Variants in DRC4 observed in about 807,000 individuals in gnomAD.
DRC4 encodes the protein GAS-11.
the DRC4 span, among the ~76,000 whole-genome samples, chr16:90,024,777 G>C: frequency 2.0e-5 from 3 of 151,938 alleles, no homozygotes; most frequent in South Asian, 6.3e-4. Context: ...CTGCACTCCA[G>C]CCTGGGTGAC....
At chr16:90,026,930 T>TA in the DRC4 span, among the ~76,000 whole-genome samples, 5 of 150,526 alleles carry the variant, frequency 3.3e-5, no homozygotes, top group Non-Finnish European at 1.5e-5. Context: ...GTTTGCTTTT[T>TA]GAGATGGAGT....
At chr16:90,035,588 C>T in the DRC4 span, 2 of 1,613,764 alleles carry the variant, frequency 1.2e-6, no homozygotes, top group Non-Finnish European at 8.5e-7. Flanking sequence ...AGCGGGCTTC[C>T]CTCTGTGTCC....
the DRC4 span, chr16:90,029,387 T>G: frequency 1.1e-5 from 12 of 1,109,542 alleles, no homozygotes; most frequent in South Asian, 9.3e-5. Flanking sequence ...TTCAGTGCTG[T>G]TTTTTTCTGA....
At chr16:90,037,980 C>T in the DRC4 span, 1 of 795,856 alleles carries the variant, frequency 1.3e-6, no homozygotes, top group Non-Finnish European at 2.1e-6. Flanking sequence ...AGGGACGGGG[C>T]TCTCCTTGTG....
chr16:90,020,283 C>T, the DRC4 span: 2 of 402,298 alleles, frequency 5.0e-6, no homozygotes, highest in Middle Eastern at 9.8e-4. Context: ...CCAAGGCTGC[C>T]GTGAGCTATG....
At chr16:90,042,246 C>G in the DRC4 span, 1 of 593,120 alleles carries the variant, frequency 1.7e-6, no homozygotes, top group Admixed American at 2.2e-5. Context: ...TGGACTGTTG[C>G]TGGAGAGGCA....
chr16:90,037,664 GATT>G, the DRC4 span: 14 of 1,221,922 alleles, frequency 1.1e-5, no homozygotes, highest in Non-Finnish European at 1.4e-5. Flanking sequence ...TCTTTCTGGC[GATT>G]ATTTTTGGCC....
the DRC4 span, chr16:90,043,356 G>T: frequency 1.9e-6 from 3 of 1,587,308 alleles, no homozygotes; most frequent in Non-Finnish European, 1.7e-6. Context: ...CTGCCCCCCT[G>T]GGGGGCCACA....
At chr16:90,020,939 C>G in the DRC4 span, 1 of 152,230 alleles carries the variant, frequency 6.6e-6, no homozygotes, top group Admixed American at 6.5e-5. Flanking sequence ...ATAATTACCC[C>G]CACTGTGCTC....
chr16:90,031,626 T>C, the DRC4 span: 18 of 1,009,850 alleles, frequency 1.8e-5, no homozygotes, highest in African/African-American at 2.8e-4. Context: ...AGGTGTTTTT[T>C]ATAAAAGCCT....
chr16:90,034,704 A>G, the DRC4 span, among the ~76,000 whole-genome samples: 5 of 151,508 alleles, frequency 3.3e-5, no homozygotes, highest in African/African-American at 1.2e-4. Flanking sequence ...TAAATATATA[A>G]TAATTGTTCA....
chr16:90,043,231 G>T, the DRC4 span: 2 of 1,613,524 alleles, frequency 1.2e-6, no homozygotes, highest in African/African-American at 2.7e-5. Context: ...ATGAGGCAAA[G>T]CTGCTGGCCT....
At chr16:90,035,660 C>T in the DRC4 span, 23 of 1,613,982 alleles carry the variant, frequency 1.4e-5, no homozygotes, top group Middle Eastern at 3.3e-4. Flanking sequence ...CACCAGGATG[C>T]GGAATGATTT....
the DRC4 span, chr16:90,036,203 T>C: frequency 1.6e-6 from 1 of 620,556 alleles, no homozygotes; most frequent in South Asian, 2.1e-5. Context: ...GTGCTGAGTG[T>C]GAGCATCAGC....
the DRC4 span, chr16:90,040,583 C>CTA: frequency 7.5e-7 from 1 of 1,328,352 alleles, no homozygotes; most frequent in South Asian, 1.3e-5. Flanking sequence ...TTCTGTGCTG[C>CTA]TCCTCGGATA....
chr16:90,041,595 G>GTCA, the DRC4 span, among the ~76,000 whole-genome samples: 1 of 152,166 alleles, frequency 6.6e-6, no homozygotes, highest in South Asian at 2.1e-4. Flanking sequence ...CACGAGTTTG[G>GTCA]GAGTTCAAGA....
At chr16:90,028,437 C>T in the DRC4 span, among the ~76,000 whole-genome samples, 1 of 152,034 alleles carries the variant, frequency 6.6e-6, no homozygotes. Flanking sequence ...ATCCACTCGC[C>T]TCGGCCTCCC....
At chr16:90,042,596 G>A in the DRC4 span, 26 of 1,443,560 alleles carry the variant, frequency 1.8e-5, no homozygotes, top group African/African-American at 4.2e-5. Flanking sequence ...TGTTCTAAAT[G>A]CAGACGGTCT....
the DRC4 span, chr16:90,036,046 C>A: frequency 1.4e-6 from 1 of 731,112 alleles, no homozygotes; most frequent in Non-Finnish European, 2.0e-6. Context: ...CTGTGTTTTA[C>A]TAATAAAGGC....
Sources: gnomAD v4.1 joint callset for allele counts (sites outside exome capture counted in the v4.1 genomes callset) on GRCh38, gnomAD v4.1.1 for gene constraint, MANE v1.5 for transcripts, NCBI Gene and HGNC (gene_info 2026-07-23, HGNC 2026-07-21) for gene names.